RAD51B: variants seen among roughly 807,000 people sequenced by gnomAD.
RAD51B encodes the protein DNA repair protein RAD51 homolog 2.
A neutral mutation model predicts 42.2 loss-of-function variants in RAD51B; 38 were observed. The observed-to-expected ratio is 0.90, with a 90% CI of 0.70 to 1.18. The LOEUF is 1.18. RAD51B is among the 50% of genes most tolerant of loss of function. The probability of loss-of-function intolerance (pLI) is 0.00; values close to 1 mark genes in which losing one functional copy is unlikely to be tolerated. For synonymous variants in RAD51B, 154 were observed against 145.2 expected (o/e 1.06, Z -0.43); for missense variants, 373 against 400.7 (o/e 0.93, Z 0.59).
intron 7 of RAD51B, among the ~76,000 whole-genome samples, chr14:68,080,675 C>T (rs2076898924): frequency 6.6e-6 from 1 of 152,174 alleles, no homozygotes; most frequent in Non-Finnish European, 1.5e-5. Context: ...TGGGTTTGAT[C>T]AGTGCAGGGG....
chr14:68,042,224 G>T (rs888406399), intron 7 of RAD51B, among the ~76,000 whole-genome samples: 9 of 152,126 alleles, frequency 5.9e-5, no homozygotes, highest in Non-Finnish European at 1.3e-4. Flanking sequence ...CAGTCTCCAA[G>T]ATGATTAGTT....
At chr14:68,286,689 A>G (rs57362007) in intron 7 of RAD51B, among the ~76,000 whole-genome samples, 64 of 152,316 alleles carry the variant, frequency 4.2e-4, no homozygotes, top group African/African-American at 1.4e-3. Flanking sequence ...TCTAACCTTC[A>G]ATGTAGAGTA....
intron 8 of RAD51B, among the ~76,000 whole-genome samples, chr14:68,398,338 T>C: frequency 6.6e-6 from 1 of 152,268 alleles, no homozygotes; most frequent in East Asian, 1.9e-4. Context: ...TCAGCATTTC[T>C]GTCTTGTCTC....
intron 8 of RAD51B, among the ~76,000 whole-genome samples, chr14:68,351,651 T>C (rs2082791532): frequency 6.6e-6 from 1 of 151,960 alleles, no homozygotes; most frequent in African/African-American, 2.4e-5. Flanking sequence ...AGAGGAGGCA[T>C]TGATTAGAGG....
intron 7 of RAD51B, among the ~76,000 whole-genome samples, chr14:67,953,982 G>A (rs550863703): frequency 6.6e-6 from 1 of 152,232 alleles, no homozygotes; most frequent in South Asian, 2.1e-4. Flanking sequence ...TAGAAGAAAA[G>A]AAGGTGGCAG....
At chr14:68,477,012 G>A (rs937067133) in intron 10 of RAD51B, among the ~76,000 whole-genome samples, 1 of 152,182 alleles carries the variant, frequency 6.6e-6, no homozygotes, top group African/African-American at 2.4e-5. Flanking sequence ...ATTTCCCACA[G>A]AGGCTGACCA....
intron 8 of RAD51B, among the ~76,000 whole-genome samples, chr14:68,379,022 A>T (rs927598613): frequency 2.0e-5 from 3 of 152,202 alleles, no homozygotes; most frequent in Admixed American, 6.5e-5. Context: ...CAACAAATAC[A>T]TACTAGGTAC....
chr14:67,969,121 A>T (rs1300339042), intron 7 of RAD51B, among the ~76,000 whole-genome samples: 1 of 152,218 alleles, frequency 6.6e-6, no homozygotes, highest in Non-Finnish European at 1.5e-5. Context: ...AACTGCCCCC[A>T]TGATTCAAAC....
chr14:67,880,763 C>T (rs573708361), intron 5 of RAD51B, among the ~76,000 whole-genome samples: 10 of 151,946 alleles, frequency 6.6e-5, no homozygotes, highest in Middle Eastern at 6.8e-3. Flanking sequence ...GTAAATTTTA[C>T]GTTGTTGGTG....
chr14:67,890,240 C>G lies in RAD51B; in HGVS notation c.756+3036C>G, dbSNP rs142001358. ...ATAGGATGTTTTTGCCAGAAAGGAC[C>G]TTAAAGAAAATTTAGTTTGGCCCCT... On this transcript the variant is annotated intron_variant, in intron 7 of 10. Coordinates refer to ENST00000471583, the MANE Select transcript of RAD51B (RefSeq NM_133510.4). Among the ~76,000 whole-genome samples the G allele has an allele frequency of 8.9e-3, 1,355 of 152,100 alleles. 22 individuals carry two copies. Among genetic ancestry groups the G allele is most frequent in the African/African-American group, 0.031 (1,276 of 41,474 alleles).
intron 7 of RAD51B, among the ~76,000 whole-genome samples, chr14:68,057,837 G>A (rs2140433496): frequency 6.6e-6 from 1 of 151,386 alleles, no homozygotes; most frequent in African/African-American, 2.4e-5. Context: ...GTGTGTGTGT[G>A]TGTGTGTGTG....
intron 7 of RAD51B, among the ~76,000 whole-genome samples, chr14:68,279,179 C>T (rs768633738): frequency 3.3e-5 from 5 of 152,296 alleles, no homozygotes; most frequent in South Asian, 2.1e-4. Context: ...TTAGTCATTT[C>T]AGTGTGGTGC....
At chr14:68,124,236 G>A (rs1358584131) in intron 7 of RAD51B, among the ~76,000 whole-genome samples, 1 of 152,216 alleles carries the variant, frequency 6.6e-6, no homozygotes, top group Non-Finnish European at 1.5e-5. Context: ...TGTGGGTTCA[G>A]CCTATTTTCC....
chr14:68,273,119 G>A (rs1013407242), intron 7 of RAD51B, among the ~76,000 whole-genome samples: 5 of 152,124 alleles, frequency 3.3e-5, no homozygotes, highest in African/African-American at 7.2e-5. Context: ...TCCTACAAGT[G>A]GTCAGACACA....
intron 7 of RAD51B, among the ~76,000 whole-genome samples, chr14:68,233,731 G>A (rs1207397506): frequency 6.6e-6 from 1 of 152,182 alleles, no homozygotes; most frequent in East Asian, 1.9e-4. Context: ...ACATTTTCCA[G>A]TTTGACAAGG....
chr14:68,150,971 T>G (rs2140772655), intron 7 of RAD51B, among the ~76,000 whole-genome samples: 1 of 152,140 alleles, frequency 6.6e-6, no homozygotes, highest in Non-Finnish European at 1.5e-5. Context: ...AATAAGAAAA[T>G]AAATTTAATA....
intron 7 of RAD51B, among the ~76,000 whole-genome samples, chr14:68,285,520 C>T (rs533627353): frequency 1.3e-4 from 20 of 152,278 alleles, no homozygotes; most frequent in African/African-American, 4.3e-4. Flanking sequence ...TCTCTTCTTG[C>T]GTCTCTCTCT....
At chr14:67,916,587 G>A (rs1274947732) in intron 7 of RAD51B, among the ~76,000 whole-genome samples, 1 of 151,886 alleles carries the variant, frequency 6.6e-6, no homozygotes, top group African/African-American at 2.4e-5. Flanking sequence ...CCACCTCAAA[G>A]CTTGGGCTTG....
rs56227529 is a variant in RAD51B at position 67,825,078 on chromosome 14, C to CAA, written c.85-358_85-357dup. 9.4e-3 allele frequency among the ~76,000 whole-genome samples: 475 copies of CAA among 50,516 alleles called. 12 individuals are homozygous for CAA. The highest frequency in any genetic ancestry group is 0.012 in the Non-Finnish European group (380 of 30,998). 33.1% of individuals were successfully genotyped at this position (50,516 alleles called of 152,430 possible). A position where few individuals can be genotyped will look rare whatever the true frequency, so the allele number is the denominator to read the frequency against. On this transcript the variant is annotated intron_variant, in intron 2 of 10. Transcript: ENST00000471583. ...GGGCGACAGAGCAAAACTCTTGTCT[C>CAA]AAAAAAAAAAAAAAAAAAAAAAAAA...
Sources: allele counts gnomAD v4.1 joint callset (sites outside exome capture counted in the v4.1 genomes callset), GRCh38; gene constraint gnomAD v4.1.1; transcripts MANE v1.5; gene names NCBI Gene and HGNC (gene_info 2026-07-23, HGNC 2026-07-21).